The following SPECC1 variants were observed in gnomAD, a reference collection of about 807,000 sequenced individuals.
SPECC1 encodes the protein cytospin-B.
SPECC1 carries 62 observed loss-of-function variants against 104.1 expected under a neutral mutation model. The ratio of observed to expected loss-of-function variants is 0.60; its 90% CI spans 0.49 to 0.74. The LOEUF is 0.74. Among genes scored for constraint, SPECC1 ranks in the 30% least tolerant of loss-of-function variants. The probability of loss-of-function intolerance (pLI) is 0.00; values close to 1 mark genes in which losing one functional copy is unlikely to be tolerated. For missense variants in SPECC1, 1,306 were observed against 1,310.5 expected (o/e 1.00, Z 0.05); for synonymous variants, 513 against 501.6 (o/e 1.02, Z -0.30).
At chr17:20,223,936 T>C (rs1414577511) in intron 4 of SPECC1, among the ~76,000 whole-genome samples, 1 of 152,220 alleles carries the variant, frequency 6.6e-6, no homozygotes, top group African/African-American at 2.4e-5. Context: ...CGGTATTTAT[T>C]CAGTCTTCAC....
intron 2 of SPECC1, 32 bp downstream of exon 2, chr17:20,096,830 G>A: frequency 6.3e-7 from 1 of 1,591,810 alleles, no homozygotes; most frequent in Non-Finnish European, 8.6e-7. Context: ...GCCAGGCAGA[G>A]CGCCTGGATA....
At chr17:20,260,708 C>T (rs2039995703) in intron 12 of SPECC1, among the ~76,000 whole-genome samples, 1 of 152,098 alleles carries the variant, frequency 6.6e-6, no homozygotes, top group South Asian at 2.1e-4. Context: ...GGAGGAAGCA[C>T]GGGAGAGGGA....
At chr17:20,124,355 C>T (rs1288116333) in intron 3 of SPECC1, among the ~76,000 whole-genome samples, 1 of 152,090 alleles carries the variant, frequency 6.6e-6, no homozygotes, top group East Asian at 1.9e-4. Context: ...TGGTGGGATT[C>T]ATCCAGCTGT....
At chr17:20,183,362 G>A (rs1216525790) in intron 3 of SPECC1, among the ~76,000 whole-genome samples, 1 of 152,162 alleles carries the variant, frequency 6.6e-6, no homozygotes, top group East Asian at 1.9e-4. Flanking sequence ...ATTCTGTCTT[G>A]TAGACATAAA....
At chr17:20,241,101 C>T (rs980849296) in intron 7 of SPECC1, among the ~76,000 whole-genome samples, 7 of 152,182 alleles carry the variant, frequency 4.6e-5, no homozygotes, top group Admixed American at 1.3e-4. Context: ...ATGACTTAAA[C>T]GTGTTGGGAG....
At chr17:20,169,421 AT>A (rs1310972350) in intron 3 of SPECC1, among the ~76,000 whole-genome samples, 2 of 152,200 alleles carry the variant, frequency 1.3e-5, no homozygotes, top group Non-Finnish European at 2.9e-5. Flanking sequence ...CCTTTTGGGC[AT>A]TCACACAGAT....
chr17:20,171,500 G>T (rs961975415), intron 3 of SPECC1, among the ~76,000 whole-genome samples: 1 of 152,138 alleles, frequency 6.6e-6, no homozygotes, highest in Non-Finnish European at 1.5e-5. Context: ...AGGGCTTGAA[G>T]TATCACAAAC....
At chr17:20,248,458 T>C (rs1245711090) in intron 9 of SPECC1, among the ~76,000 whole-genome samples, 2 of 152,190 alleles carry the variant, frequency 1.3e-5, no homozygotes, top group Non-Finnish European at 2.9e-5. Flanking sequence ...GAAAAGGAAA[T>C]GTATTTGACC....
chr17:20,227,417 A>G lies in SPECC1; in HGVS notation c.1868A>G (p.Glu623Gly), dbSNP rs2038287991. The change falls in exon 5 of 15, where the codon GAA (glutamate) becomes GGA (glycine). Residue 623 changes from glutamate to glycine, a missense_variant. Physicochemically the swap from Glu to Gly is moderately conservative, Grantham distance 98 (BLOSUM62 -2). Coordinates refer to ENST00000395527, the MANE Select transcript of SPECC1 (RefSeq NM_001243439.2). Reference protein sequence around the residue: ...KHVSSLLAKVEKDYSYLKEIC... With the variant: ...KHVSSLLAKVGKDYSYLKEIC... ...GGAACCTTCCTTTTATTTTAGGTGG[A>G]AAAGGATTATTCATACCTGAAGGAG... 1.9e-6 allele frequency: 3 copies of G among 1,610,648 alleles called. No individual in the cohort carries two copies. The highest frequency in any genetic ancestry group is 3.3e-4 in the Middle Eastern group (2 of 6,038).
chr17:20,103,201 C>G (rs1180613772), intron 2 of SPECC1, among the ~76,000 whole-genome samples: 3 of 152,134 alleles, frequency 2.0e-5, no homozygotes, highest in African/African-American at 7.2e-5. Context: ...CCTGGTGTTG[C>G]TGTGGAAGAC....
At chr17:20,221,769 G>A (rs904379771) in intron 4 of SPECC1, among the ~76,000 whole-genome samples, 7 of 151,892 alleles carry the variant, frequency 4.6e-5, no homozygotes, top group African/African-American at 1.2e-4. Flanking sequence ...TGATGTAGGC[G>A]CTGATTGCTG....
chr17:20,069,992 G>A (rs1472750994), intron 1 of SPECC1, among the ~76,000 whole-genome samples: 5 of 151,962 alleles, frequency 3.3e-5, no homozygotes, highest in Admixed American at 3.3e-4. Flanking sequence ...TCCTTTATTA[G>A]CCCTAAGAGG....
In SPECC1 at chr17:20,155,774, C is replaced by T. The variant is rs542843691; in HGVS notation, c.283+45212C>T. 3.1e-4 allele frequency: 111 copies of T among 353,166 alleles called. 1 individual carries two copies. The South Asian group carries it at 0.012, about 38-fold the overall frequency. The allele number at this position is 353,166 out of a possible 1,614,324, so 21.9% of individuals were successfully genotyped here. On this transcript the variant is annotated intron_variant, in intron 3 of 14. Transcript: ENST00000395527. ...GGTTTTTCCAGCCTACCTTGTGCAGCTGCGGTTCTCAGCATCCGCGGGCGG... is the reference window on the plus strand; with the variant it reads ...GGTTTTTCCAGCCTACCTTGTGCAGTTGCGGTTCTCAGCATCCGCGGGCGG...
rs544566913 is a variant in SPECC1, at chr17:20,096,590, C to T, written c.-21-41C>T. 6.5e-5 allele frequency: 101 copies of T among 1,562,804 alleles called. 1 individual carries two copies. The highest frequency in any genetic ancestry group is 5.7e-4 in the South Asian group (48 of 84,744). Reference sequence around the variant, plus strand: ...GTGTGATGATGTCATGCAGCAGGTTCAAGTGATGGAGACATGTTTTTCTTT... The same window carrying T: ...GTGTGATGATGTCATGCAGCAGGTTTAAGTGATGGAGACATGTTTTTCTTT... On this transcript the variant is annotated intron_variant, in intron 1 of 14. Coordinates refer to ENST00000395527, the MANE Select transcript of SPECC1 (RefSeq NM_001243439.2).
intron 10 of SPECC1, among the ~76,000 whole-genome samples, chr17:20,255,543 A>G (rs2039794923): frequency 6.6e-6 from 1 of 152,168 alleles, no homozygotes; most frequent in Non-Finnish European, 1.5e-5. Flanking sequence ...CTAGCCTTAA[A>G]GTTTTCTATT....
rs148647029 is a variant in SPECC1 at position 20,293,760 on chromosome 17, C to G, written c.2941-3201C>G. On this transcript the variant is annotated intron_variant, in intron 12 of 14. Coordinates refer to ENST00000395527, the MANE Select transcript of SPECC1 (RefSeq NM_001243439.2). ...TCTGCAATCTCTTGCAAGGCCCCTG[C>G]TTAAACAACCTGAGCTCCCAGCTTT... is the stretch of plus-strand genomic sequence containing the variant. Among the ~76,000 whole-genome samples the G allele has an allele frequency of 8.9e-3, 1,350 of 152,346 alleles. 9 individuals are homozygous for G. The highest frequency in any genetic ancestry group is 0.014 in the Non-Finnish European group (947 of 68,042).
intron 7 of SPECC1, among the ~76,000 whole-genome samples, chr17:20,245,547 G>A (rs543250268): frequency 3.9e-5 from 6 of 152,116 alleles, no homozygotes; most frequent in East Asian, 1.9e-4. Context: ...AGCACATGTC[G>A]GCAGCCGGTC....
chr17:20,313,844 G>T, intron 14 of SPECC1, 132 bp from the exon 15 acceptor site: 1 of 753,310 alleles, frequency 1.3e-6, no homozygotes. Flanking sequence ...ACCTGTGCTG[G>T]CCTTCACGTT....
rs926044087 is a variant in SPECC1 at position 20,177,151 on chromosome 17, C to G, written c.284-27182C>G. Among the ~76,000 whole-genome samples the G allele has an allele frequency of 3.9e-5, 6 of 152,128 alleles. 1 individual carries two copies. The highest frequency in any genetic ancestry group is 1.4e-4 in the African/African-American group (6 of 41,408). On this transcript the variant is annotated intron_variant, in intron 3 of 14. Transcript: ENST00000395527. ...AGGCTTTTAGGCTGAGGAAACAACACTTGCTAAGAAATAGACTTGTAAAAA... is the reference window on the plus strand; with the variant it reads ...AGGCTTTTAGGCTGAGGAAACAACAGTTGCTAAGAAATAGACTTGTAAAAA...
Sources: allele counts gnomAD v4.1 joint callset (sites outside exome capture counted in the v4.1 genomes callset), GRCh38; gene constraint gnomAD v4.1.1; transcripts MANE v1.5; gene names NCBI Gene and HGNC (gene_info 2026-07-23, HGNC 2026-07-21).